The following GALNT6 variants were observed in gnomAD, a reference collection of about 807,000 sequenced individuals.
GALNT6 encodes GalNAc transferase 6.
GALNT6 carries 51 observed loss-of-function variants against 65.9 expected under a neutral mutation model. The observed-to-expected ratio is 0.77, with a 90% CI of 0.62 to 0.98. The LOEUF is 0.98. GALNT6 is among the 50% of genes least tolerant of loss of function. The probability of loss-of-function intolerance (pLI) is 0.00; values close to 1 mark genes in which losing one functional copy is unlikely to be tolerated. For synonymous variants in GALNT6, 323 were observed against 315.1 expected (o/e 1.02, Z -0.26); for missense variants, 708 against 803.3 (o/e 0.88, Z 1.43).
intron 4 of GALNT6, among the ~76,000 whole-genome samples, chr12:51,366,196 G>A (rs571365245): frequency 6.6e-6 from 1 of 152,326 alleles, no homozygotes; most frequent in East Asian, 1.9e-4. Context: ...GGGATTACAG[G>A]CATGAGCCAC....
intron 4 of GALNT6, among the ~76,000 whole-genome samples, chr12:51,374,255 A>C (rs1410147769): frequency 6.7e-6 from 1 of 149,570 alleles, no homozygotes; most frequent in African/African-American, 2.5e-5. Context: ...TGCAGCCTCA[A>C]TTTCCTGGGC....
rs1946616731 is a variant in GALNT6 at position 51,351,681 on chromosome 12, C to G, written c.*2698G>C. ...ATTTAGCGTGTGAGTTCCACGGGGACAGGACCTCGTTTGACGTCTCACGTC... is the reference window on the plus strand; with the variant it reads ...ATTTAGCGTGTGAGTTCCACGGGGAGAGGACCTCGTTTGACGTCTCACGTC... On this transcript the variant is annotated 3_prime_UTR_variant, in exon 12 of 12. Transcript: ENST00000356317. 1 of 152,232 alleles carries G rather than the reference C, an allele frequency of 6.6e-6. No individual in the cohort carries two copies. The highest frequency in any genetic ancestry group is 2.4e-5 in the African/African-American group (1 of 41,460). 9.4% of individuals were successfully genotyped at this position (152,232 alleles called of 1,614,324 possible).
chr12:51,354,558 A>G, intron 11 of GALNT6, 66 bp from the exon 12 acceptor site: 1 of 951,542 alleles, frequency 1.1e-6, no homozygotes, highest in Non-Finnish European at 1.6e-6. Context: ...ACCAGGGACA[A>G]TGCGATGGGG....
chr12:51,355,867 C>A lies in GALNT6; in HGVS notation c.1694G>T (p.Ser565Ile), dbSNP rs1354014335. ...HVSKGALGLG[S>I]CHFTGKNSQV... is the part of the protein sequence containing the mutation. The stretch of plus-strand genomic sequence containing the variant: ...GCTATTCTTGCCAGTGAAGTGACAG[C>A]TCCCAAGGCCCAGAGCACCCTTGCT... Residue 565 changes from serine (S) to isoleucine (I), a missense_variant, in exon 11 of 12, where the codon AGC becomes ATC. By Grantham distance (142) the Ser-to-Ile change is moderately radical. Transcript: ENST00000356317. 6.2e-7 allele frequency: 1 copy of A among 1,613,994 alleles called. No individual in the cohort carries two copies. Among genetic ancestry groups the A allele is most frequent in the African/African-American group, 1.3e-5 (1 of 75,052 alleles).
At chr12:51,364,462 C>G (rs556593747) in intron 5 of GALNT6, 107 bp from the exon 6 acceptor site, 7 of 750,864 alleles carry the variant, frequency 9.3e-6, no homozygotes, top group South Asian at 7.0e-5. Flanking sequence ...CCACCTACTC[C>G]TGGGTTACAG....
Position 51,370,503 on chromosome 12 carries a change from A to G in GALNT6, c.665-4924T>C, listed in dbSNP as rs564012697. Among the ~76,000 whole-genome samples, 458 of 152,340 alleles carry G rather than the reference A, an allele frequency of 3.0e-3. 3 individuals carry two copies. Among genetic ancestry groups the G allele is most frequent in the African/African-American group, 0.011 (439 of 41,586 alleles). On this transcript the variant is annotated intron_variant, in intron 4 of 11. Transcript: ENST00000356317. ...TGAGCCAAGATTGCGCCAATGGGCAACAAGAACGAACTCCATCTCAAAAAA... is the reference window on the plus strand; with the variant it reads ...TGAGCCAAGATTGCGCCAATGGGCAGCAAGAACGAACTCCATCTCAAAAAA...
chr12:51,382,230 G>A (rs1011866202), intron 2 of GALNT6: 7 of 152,226 alleles, frequency 4.6e-5, no homozygotes, highest in African/African-American at 1.7e-4. Flanking sequence ...CTCTGCAAGA[G>A]GCGGGGGACA....
chr12:51,384,827 G>C (rs762454270), intron 2 of GALNT6, among the ~76,000 whole-genome samples: 4 of 152,104 alleles, frequency 2.6e-5, no homozygotes, highest in Non-Finnish European at 5.9e-5. Context: ...TGAGGCTGTA[G>C]TTAGTTATGA....
Position 51,377,280 on chromosome 12 carries a change from CA to C in GALNT6, c.578del (p.Leu193ArgfsTer32). 1 of 1,613,746 alleles carries C rather than the reference CA, an allele frequency of 6.2e-7. No individual in the cohort carries two copies. Among genetic ancestry groups the C allele is most frequent in the South Asian group, 1.1e-5 (1 of 91,054 alleles). On this transcript the variant is annotated frameshift_variant, in exon 4 of 12. Transcript: ENST00000356317. LOFTEE classifies it high-confidence loss of function. ...IVFHNEAWST[L>X]LRTVYSVLHT... ...GTAGGACGCTGTACACTGTTCGCAGCAGTGTGGACCAGGCTTCGTTGTGGAA... is the reference window on the plus strand; with the variant it reads ...GTAGGACGCTGTACACTGTTCGCAGCGTGTGGACCAGGCTTCGTTGTGGAA...
intron 4 of GALNT6, 25 bp from the exon 5 acceptor site, chr12:51,365,604 C>T (rs1366222025): frequency 1.2e-6 from 2 of 1,609,118 alleles, no homozygotes; most frequent in Non-Finnish European, 1.7e-6. Flanking sequence ...GTCATTGTGG[C>T]CAGTCCACCA....
intron 4 of GALNT6, among the ~76,000 whole-genome samples, chr12:51,374,902 G>C (rs1422057407): frequency 6.6e-6 from 1 of 152,074 alleles, no homozygotes; most frequent in East Asian, 1.9e-4. Context: ...CACTTTCAAC[G>C]ACTCCTTCTT....
At chr12:51,358,341 C>T in intron 8 of GALNT6, 80 bp from the exon 9 acceptor site, 6 of 1,513,126 alleles carry the variant, frequency 4.0e-6, no homozygotes, top group Non-Finnish European at 5.4e-6. Flanking sequence ...CACTCTGTTG[C>T]CCAGGCTGGA....
At position 51,360,733 on chromosome 12, in the gene GALNT6, T is replaced by A; in HGVS notation, c.1155A>T (p.Glu385Asp). The change falls in exon 7 of 12, where the codon GAA becomes GAT. Residue 385 changes from glutamate (E) to aspartate (D), a missense_variant. Coordinates refer to ENST00000356317, the MANE Select transcript of GALNT6 (RefSeq NM_007210.4). ...TCTTCACTCTCACCCGGAAGGACAT[T>A]TCCACGTTCTCCCCTCCCCAGATCT... ...QMEIWGGENV[E>D]MSFRVWQCGG... The A allele has an allele frequency of 6.2e-7, 1 of 1,600,078 alleles. No homozygotes were observed. Among genetic ancestry groups the A allele is most frequent in the Non-Finnish European group, 8.6e-7 (1 of 1,167,260 alleles).
rs147377808 is a variant in GALNT6 at position 51,387,761 on chromosome 12, G to A, written c.-104+3089C>T. 2.7e-3 allele frequency among the ~76,000 whole-genome samples: 408 copies of A among 152,208 alleles called. 1 individual carries two copies. Among genetic ancestry groups the A allele is most frequent in the African/African-American group, 9.4e-3 (391 of 41,524 alleles). ...TTGGTGACAACGAGACTGGGCTTGA[G>A]GGGGAGAGTTGGGGGAAAGGACAGA... On this transcript the variant is annotated intron_variant, in intron 2 of 11. Coordinates refer to ENST00000356317, the MANE Select transcript of GALNT6 (RefSeq NM_007210.4). The surrounding 1 kb of genome is among the most constrained non-coding windows in gnomAD (Gnocchi z 4.2).
intron 4 of GALNT6, among the ~76,000 whole-genome samples, chr12:51,369,087 G>C (rs1947205120): frequency 6.6e-6 from 1 of 152,196 alleles, no homozygotes; most frequent in African/African-American, 2.4e-5. Flanking sequence ...TTCCCCGAGA[G>C]CTTGCCCAGC....
chr12:51,380,634 T>C (rs903387900), intron 2 of GALNT6, among the ~76,000 whole-genome samples: 9 of 152,112 alleles, frequency 5.9e-5, no homozygotes, highest in South Asian at 2.1e-4. Context: ...CTACTAAAAA[T>C]ACAAAAATTA....
At chr12:51,376,764 T>C (rs1335243293) in intron 4 of GALNT6, among the ~76,000 whole-genome samples, 1 of 152,068 alleles carries the variant, frequency 6.6e-6, no homozygotes, top group Non-Finnish European at 1.5e-5. Flanking sequence ...CAGTAGATGT[T>C]TGTGGAATTG....
chr12:51,384,060 G>A (rs573663429), intron 2 of GALNT6, among the ~76,000 whole-genome samples: 111 of 152,160 alleles, frequency 7.3e-4, no homozygotes, highest in African/African-American at 2.4e-3. Context: ...AAGTGTGCCC[G>A]CAGCCCCCAT....
chr12:51,390,830 A>G lies in GALNT6; in HGVS notation c.-104+20T>C, dbSNP rs1948057811. 1 of 152,170 alleles carries G rather than the reference A, an allele frequency of 6.6e-6. No homozygotes were observed. The highest frequency in any genetic ancestry group is 2.4e-5 in the African/African-American group (1 of 41,420). The allele number at this position is 152,170 out of a possible 1,614,324, so 9.4% of individuals were successfully genotyped here. Reference sequence around the variant, plus strand: ...AACTGACCACCCTCCACCCCCATACACAGAAGAGCCCCATCCTACCCTCTG... The same window carrying G: ...AACTGACCACCCTCCACCCCCATACGCAGAAGAGCCCCATCCTACCCTCTG... On this transcript the variant is annotated intron_variant, in intron 2 of 11. Transcript: ENST00000356317.
Sources: gnomAD v4.1 joint callset for allele counts (sites outside exome capture counted in the v4.1 genomes callset) on GRCh38, gnomAD v4.1.1 for gene constraint, Gnocchi (gnomAD v3.1) non-coding constraint, MANE v1.5 for transcripts, NCBI Gene and HGNC (gene_info 2026-07-23, HGNC 2026-07-21) for gene names.